Variants in ELAVL2 observed in about 807,000 individuals in gnomAD.
ELAVL2 encodes ELAV-like protein 2.
A neutral mutation model predicts 34.6 loss-of-function variants in ELAVL2; 4 were observed. The ratio of observed to expected loss-of-function variants is 0.12; its 90% CI spans 0.06 to 0.26. The LOEUF is 0.26. ELAVL2 is among the 10% of genes least tolerant of loss of function. ELAVL2 has a pLI of 1.00. For synonymous variants in ELAVL2, 193 were observed against 154.8 expected, an observed-to-expected ratio of 1.25 and a Z score of -1.83; for missense variants, 432 against 442.8, an observed-to-expected ratio of 0.98 and a Z score of 0.22.
intron 2 of ELAVL2, among the ~76,000 whole-genome samples, chr9:23,761,270 C>G (rs1386909691): frequency 1.3e-5 from 2 of 151,966 alleles, no homozygotes; most frequent in Non-Finnish European, 2.9e-5. Context: ...GTATGTCTAA[C>G]TTCATGTATT....
Position 23,710,535 on chromosome 9 carries a change from T to C in ELAVL2, c.334-5464A>G, listed in dbSNP as rs2040640442. The stretch of plus-strand genomic sequence containing the variant: ...TCCCTCTTTTTTAAACTAAAAACAT[T>C]TGAGAAGTCACCCACTGCTAAGATC... On this transcript the variant is annotated intron_variant, in intron 3 of 6. Transcript: ENST00000397312. Among the ~76,000 whole-genome samples the C allele has an allele frequency of 2.0e-5, 3 of 152,152 alleles. No homozygotes were observed. In the South Asian group the frequency reaches 6.2e-4, roughly 31 times the overall value.
chr9:23,794,189 T>G (rs1407180082), intron 1 of ELAVL2, among the ~76,000 whole-genome samples: 1 of 152,182 alleles, frequency 6.6e-6, no homozygotes. Context: ...ATCTTTCCCC[T>G]TCTAACTTCA....
chr9:23,776,329 T>C (rs1028793507), intron 1 of ELAVL2, among the ~76,000 whole-genome samples: 1 of 152,132 alleles, frequency 6.6e-6, no homozygotes, highest in Non-Finnish European at 1.5e-5. Context: ...AATATAAACC[T>C]CAGGGAGGAA....
intron 3 of ELAVL2, among the ~76,000 whole-genome samples, chr9:23,720,054 G>A (rs1035035306): frequency 5.9e-5 from 9 of 151,768 alleles, no homozygotes; most frequent in Admixed American, 2.6e-4. Flanking sequence ...CTCAAACTCC[G>A]GACCTCAGGT....
At chr9:23,705,118 C>T (rs2038876084) in intron 3 of ELAVL2, 47 bp from the exon 4 acceptor site, 2 of 1,605,714 alleles carry the variant, frequency 1.2e-6, no homozygotes, top group South Asian at 1.1e-5. Flanking sequence ...CTCACTCACC[C>T]ACCTCCCTTT....
the ELAVL2 span, among the ~76,000 whole-genome samples, chr9:23,833,123 G>T: frequency 6.6e-6 from 1 of 151,766 alleles, no homozygotes; most frequent in African/African-American, 2.4e-5. Context: ...ATCCTTTAAT[G>T]AGAGAGAAAT....
chr9:23,827,639 T>C (rs1365814712), upstream of ELAVL2, among the ~76,000 whole-genome samples: 1 of 152,176 alleles, frequency 6.6e-6, no homozygotes, highest in Non-Finnish European at 1.5e-5. Flanking sequence ...AACTAGTCGC[T>C]ATCTTTGAGA....
At chr9:23,743,634 T>C (rs921285972) in intron 2 of ELAVL2, among the ~76,000 whole-genome samples, 1 of 152,190 alleles carries the variant, frequency 6.6e-6, no homozygotes, top group African/African-American at 2.4e-5. Context: ...TGCTGCTAAT[T>C]CTGGATACAT....
In ELAVL2 at chr9:23,695,040, T is replaced by C. The variant is rs553681155; in HGVS notation, c.714-1554A>G. Among the ~76,000 whole-genome samples, 154 of 152,308 alleles carry C rather than the reference T, an allele frequency of 1.0e-3. No individual in the cohort carries two copies. In the Middle Eastern group the frequency reaches 0.014, roughly 13 times the overall value. On this transcript the variant is annotated intron_variant, in intron 5 of 6. Coordinates refer to ENST00000397312, the MANE Select transcript of ELAVL2 (RefSeq NM_004432.5). ...GAATGAAAACTAGTAAGAGGATTGG[T>C]TGGATGACCTTGTCTGCACATAAGT...
Position 23,741,586 on chromosome 9 carries a change from C to T in ELAVL2, c.230-10461G>A, listed in dbSNP as rs533852399. Among the ~76,000 whole-genome samples the T allele has an allele frequency of 6.6e-5, 10 of 152,198 alleles. No individual in the cohort carries two copies. In the South Asian group the frequency reaches 1.9e-3, roughly 28 times the overall value. Reference sequence around the variant, plus strand: ...TATCTACTTAGGCTCTTAAGAAATCCCACAGGCTAATCTTGAAACAAACCA... The same window carrying T: ...TATCTACTTAGGCTCTTAAGAAATCTCACAGGCTAATCTTGAAACAAACCA... On this transcript the variant is annotated intron_variant, in intron 2 of 6. Coordinates refer to ENST00000397312, the MANE Select transcript of ELAVL2 (RefSeq NM_004432.5).
At chr9:23,830,623 C>CACACACA (rs1005897669), upstream of ELAVL2, among the ~76,000 whole-genome samples, 10 of 147,464 alleles carry the variant, frequency 6.8e-5, no homozygotes, top group African/African-American at 2.5e-4. Flanking sequence ...CACACACACA[C>CACACACA]ACCTTTTTTT....
At chr9:23,768,606 C>A (rs1317976758) in intron 1 of ELAVL2, among the ~76,000 whole-genome samples, 1 of 152,058 alleles carries the variant, frequency 6.6e-6, no homozygotes, top group Non-Finnish European at 1.5e-5. Context: ...CATCAGCCAC[C>A]CTCACCCACT....
chr9:23,813,166 A>G (rs1357641022), intron 1 of ELAVL2, among the ~76,000 whole-genome samples: 1 of 152,190 alleles, frequency 6.6e-6, no homozygotes, highest in African/African-American at 2.4e-5. Context: ...GAGTAGATTA[A>G]TATTATCCAC....
chr9:23,734,008 C>A (rs889636981), intron 2 of ELAVL2, among the ~76,000 whole-genome samples: 2 of 152,100 alleles, frequency 1.3e-5, no homozygotes, highest in East Asian at 1.9e-4. Flanking sequence ...TTCTTATTTG[C>A]CTAGTGGCAT....
At chr9:23,831,000 T>A (rs1208856812), upstream of ELAVL2, among the ~76,000 whole-genome samples, 2 of 152,160 alleles carry the variant, frequency 1.3e-5, no homozygotes, top group Non-Finnish European at 2.9e-5. Flanking sequence ...AGCTTCCCCC[T>A]GGAGCCGATA....
intron 2 of ELAVL2, among the ~76,000 whole-genome samples, chr9:23,748,427 T>C (rs921401156): frequency 6.6e-6 from 1 of 151,474 alleles, no homozygotes; most frequent in African/African-American, 2.4e-5. Context: ...GAGAAAAGAG[T>C]AGAAAAGTAT....
intron 3 of ELAVL2, among the ~76,000 whole-genome samples, chr9:23,719,099 G>A (rs765813397): frequency 1.3e-5 from 2 of 152,182 alleles, no homozygotes; most frequent in Non-Finnish European, 2.9e-5. Context: ...GGGGCAGCGA[G>A]GAGGGGAACT....
intron 1 of ELAVL2, chr9:23,765,199 C>A: frequency 9.5e-7 from 1 of 1,054,306 alleles, no homozygotes; most frequent in South Asian, 1.6e-5. Context: ...ATATTCCCAG[C>A]ACGTCCATGC....
intron 3 of ELAVL2, among the ~76,000 whole-genome samples, chr9:23,730,603 T>C (rs2046292539): frequency 6.6e-6 from 1 of 152,182 alleles, no homozygotes; most frequent in South Asian, 2.1e-4. Context: ...GTTTATGTAG[T>C]GGCTATTACT....
Sources: gnomAD v4.1 joint callset for allele counts (sites outside exome capture counted in the v4.1 genomes callset) on GRCh38, gnomAD v4.1.1 for gene constraint, MANE v1.5 for transcripts, NCBI Gene and HGNC (gene_info 2026-07-23, HGNC 2026-07-21) for gene names.